The following MKNK1 variants were observed in gnomAD, a reference collection of about 807,000 sequenced individuals.
MKNK1 encodes MAP kinase-interacting serine/threonine-protein kinase 1.
A neutral mutation model predicts 49.3 loss-of-function variants in MKNK1; 30 were observed. That is an observed-to-expected ratio of 0.61 (90% CI 0.46 to 0.83). MKNK1 has a LOEUF of 0.83. Among genes scored for constraint, MKNK1 ranks in the 40% least tolerant of loss-of-function variants. The pLI is 0.00. For missense variants in MKNK1, 423 were observed against 524.7 expected (o/e 0.81, Z 1.89); for synonymous variants, 176 against 201.7 (o/e 0.87, Z 1.08).
At chr1:46,568,661 C>T (rs1412531887) in intron 7 of MKNK1, 163 bp from the exon 8 acceptor site, 1 of 669,956 alleles carries the variant, frequency 1.5e-6, no homozygotes, top group African/African-American at 1.8e-5. Context: ...ACCAGCGACA[C>T]AAACCAAAAG....
intron 2 of MKNK1, chr1:46,585,997 A>G: frequency 8.7e-7 from 1 of 1,154,034 alleles, no homozygotes; most frequent in Non-Finnish European, 1.2e-6. Context: ...AAATGTAGGA[A>G]GATGGGTGAA....
Position 46,557,418 on chromosome 1 carries a change from T to G in MKNK1, c.*1157A>C, listed in dbSNP as rs80336472. 1,688 of 151,958 alleles carry G rather than the reference T, an allele frequency of 0.011. 8 individuals are homozygous for G. The highest frequency in any genetic ancestry group is 0.019 in the Non-Finnish European group (1,262 of 67,894). 9.4% of individuals were successfully genotyped at this position (151,958 alleles called of 1,614,324 possible). A position where few individuals can be genotyped will look rare whatever the true frequency, so the allele number is the denominator to read the frequency against. ...AAAGGACCACCAAATAGGCCACACA[T>G]AGAATTTCAGTTTTATTAAAATAAG... On this transcript the variant is annotated 3_prime_UTR_variant, in exon 13 of 13. Coordinates refer to ENST00000371945, the MANE Select transcript of MKNK1 (RefSeq NM_001135553.4).
At position 46,572,316 on chromosome 1, in the gene MKNK1, G is replaced by T. The variant is rs997799993; in HGVS notation, c.353-149C>A. 52 of 556,376 alleles carry T rather than the reference G, an allele frequency of 9.3e-5. No homozygotes were observed. The African/African-American group carries it at 9.7e-4, about 10-fold the overall frequency. The allele number at this position is 556,376 out of a possible 1,614,324, so 34.5% of individuals were successfully genotyped here. A position where few individuals can be genotyped will look rare whatever the true frequency, so the allele number is the denominator to read the frequency against. Reference sequence around the variant, plus strand: ...GCAACCTCCGCCTCCGGGTTCAAGCGATTCTCCTGTCTCAGCCTCCTGAGT... The same window carrying T: ...GCAACCTCCGCCTCCGGGTTCAAGCTATTCTCCTGTCTCAGCCTCCTGAGT... On this transcript the variant is annotated intron_variant, in intron 6 of 12. Coordinates refer to ENST00000371945, the MANE Select transcript of MKNK1 (RefSeq NM_001135553.4).
In MKNK1 at chr1:46,561,770, A is replaced by G. The variant is rs1570007761; in HGVS notation, c.805-128T>C. 24 of 1,029,010 alleles carry G rather than the reference A, an allele frequency of 2.3e-5. No individual in the cohort carries two copies. In the East Asian group the frequency reaches 5.6e-4, roughly 24 times the overall value. The allele number at this position is 1,029,010 out of a possible 1,614,324, so 63.7% of individuals were successfully genotyped here. ...GCAGCTCATGGCTTGGGGATGCCAC[A>G]GACTGGGGCCTCTTCCCAGACTCAC... is the stretch of plus-strand genomic sequence containing the variant. On this transcript the variant is annotated intron_variant, in intron 10 of 12. Transcript: ENST00000371945.
Position 46,574,979 on chromosome 1 carries a change from C to T in MKNK1, c.320G>A (p.Arg107Lys). 1 of 1,613,468 alleles carries T rather than the reference C, an allele frequency of 6.2e-7. No individual in the cohort carries two copies. The highest frequency in any genetic ancestry group is 8.5e-7 in the Non-Finnish European group (1 of 1,179,648). Residue 107 changes from arginine to lysine, a missense_variant, in exon 6 of 13, where the codon AGG (arginine) becomes AAG (lysine). Coordinates refer to ENST00000371945, the MANE Select transcript of MKNK1 (RefSeq NM_001135553.4). ...CAATTTCTCAAAGACCAAGTAAAAC[C>T]TTGTGTCATCTTCAAAGAACTCAAT... ...ELIEFFEDDT[R>K]FYLVFEKLQG... is the part of the protein sequence containing the mutation.
chr1:46,580,712 C>T, intron 3 of MKNK1, 85 bp from the exon 4 acceptor site: 1 of 923,146 alleles, frequency 1.1e-6, no homozygotes, highest in Non-Finnish European at 1.8e-6. Context: ...GGCTCAGCTT[C>T]CCTGATCAGA....
chr1:46,564,220 T>C (rs1453901756), intron 9 of MKNK1, among the ~76,000 whole-genome samples: 1 of 151,940 alleles, frequency 6.6e-6, no homozygotes, highest in Admixed American at 6.6e-5. Context: ...ACAGGCTAAC[T>C]TGGCCAAGCG....
At chr1:46,595,634 T>C (rs902287048) in intron 1 of MKNK1, among the ~76,000 whole-genome samples, 1 of 152,234 alleles carries the variant, frequency 6.6e-6, no homozygotes, top group African/African-American at 2.4e-5. Flanking sequence ...TGGACAGTCC[T>C]TCCTACTATG....
At chr1:46,570,420 C>G (rs931541181) in intron 7 of MKNK1, among the ~76,000 whole-genome samples, 1 of 152,240 alleles carries the variant, frequency 6.6e-6, no homozygotes, top group African/African-American at 2.4e-5. Context: ...TACAGACACC[C>G]CCTTCTAGTT....
Position 46,557,968 on chromosome 1 carries a change from T to A in MKNK1, c.*607A>T, listed in dbSNP as rs771228452. The A allele has an allele frequency of 3.9e-5, 6 of 152,632 alleles. No homozygotes were observed. Among genetic ancestry groups the A allele is most frequent in the Admixed American group, 6.5e-5 (1 of 15,282 alleles). 9.5% of individuals were successfully genotyped at this position (152,632 alleles called of 1,614,324 possible). The stretch of plus-strand genomic sequence containing the variant: ...ATGATAAACGAGGGATACATTTCAG[T>A]CACAGCAAAGAAAGATTATGTGCTT... On this transcript the variant is annotated 3_prime_UTR_variant, in exon 13 of 13. Transcript: ENST00000371945.
At chr1:46,592,141 G>A (rs1017151900) in intron 2 of MKNK1, among the ~76,000 whole-genome samples, 8 of 152,230 alleles carry the variant, frequency 5.3e-5, no homozygotes, top group African/African-American at 1.9e-4. Flanking sequence ...TCAGGAGACT[G>A]AAGCAGGAGA....
chr1:46,573,052 T>C (rs987487360), intron 6 of MKNK1, among the ~76,000 whole-genome samples: 10 of 152,214 alleles, frequency 6.6e-5, no homozygotes, highest in African/African-American at 2.4e-4. Context: ...AAATAAACTG[T>C]CTTATTCTCA....
intron 1 of MKNK1, chr1:46,594,731 A>G (rs1392617129): frequency 3.5e-6 from 1 of 282,760 alleles, no homozygotes; most frequent in Non-Finnish European, 7.1e-6. Flanking sequence ...GTGGTGGCTC[A>G]TGCCTGTAAT....
chr1:46,560,194 T>A, intron 12 of MKNK1, 40 bp downstream of exon 12: 1 of 1,611,426 alleles, frequency 6.2e-7, no homozygotes, highest in Non-Finnish European at 8.5e-7. Flanking sequence ...GGCTGAGAGC[T>A]TGAGGAAGAG....
chr1:46,576,725 G>T, intron 4 of MKNK1, 71 bp from the exon 5 acceptor site: 1 of 1,312,320 alleles, frequency 7.6e-7, no homozygotes, highest in Non-Finnish European at 1.1e-6. Context: ...GGAGTCCTCT[G>T]GGAGAATGCA....
chr1:46,565,217 A>G (rs1668851746), intron 8 of MKNK1, 81 bp from the exon 9 acceptor site: 1 of 1,304,710 alleles, frequency 7.7e-7, no homozygotes, highest in Non-Finnish European at 1.1e-6. Flanking sequence ...GTACGGGTGC[A>G]TGGCTCCGTG....
intron 11 of MKNK1, among the ~76,000 whole-genome samples, chr1:46,560,675 C>T (rs2148539643): frequency 6.6e-6 from 1 of 152,360 alleles, no homozygotes; most frequent in East Asian, 1.9e-4. Context: ...CTTTATCATG[C>T]TGTAACTTAT....
Position 46,594,136 on chromosome 1 carries a change from G to A in MKNK1, c.-26C>T, listed in dbSNP as rs780399028. 1 of 1,611,942 alleles carries A rather than the reference G, an allele frequency of 6.2e-7. No homozygotes were observed. On this transcript the variant is annotated 5_prime_UTR_variant, in exon 2 of 13. Transcript: ENST00000371945. The stretch of plus-strand genomic sequence containing the variant: ...ACCTATAGGTTTTTCCAACTTTTGA[G>A]AAGATACCATCTGTAAACTTGAAAT...
intron 2 of MKNK1, among the ~76,000 whole-genome samples, chr1:46,586,540 G>T (rs1203911026): frequency 2.0e-5 from 3 of 152,102 alleles, no homozygotes; most frequent in Non-Finnish European, 4.4e-5. Context: ...ACAGATCATG[G>T]CACAGTGTCA....
Sources: allele counts gnomAD v4.1 joint callset (sites outside exome capture counted in the v4.1 genomes callset), GRCh38; gene constraint gnomAD v4.1.1; transcripts MANE v1.5; gene names NCBI Gene and HGNC (gene_info 2026-07-23, HGNC 2026-07-21).